The following NET1 variants were observed in gnomAD, a reference collection of about 807,000 sequenced individuals.
The protein encoded by NET1 is neuroepithelial cell transforming 1.
A neutral mutation model predicts 61.1 loss-of-function variants in NET1; 42 were observed. The ratio of observed to expected loss-of-function variants is 0.69; its 90% CI spans 0.54 to 0.89. The LOEUF (loss-of-function observed/expected upper bound fraction) is 0.89, where lower values mean the gene tolerates loss of function less well. Ranked by LOEUF, NET1 falls within the 40% of genes least tolerant of loss-of-function variation. NET1 has a pLI of 0.00. For synonymous variants in NET1, 254 were observed against 281.8 expected, an observed-to-expected ratio of 0.90 and a Z score of 0.99; for missense variants, 654 against 747.3, an observed-to-expected ratio of 0.88 and a Z score of 1.46.
At position 5,446,596 on chromosome 10, in the gene NET1, G is replaced by C. The variant is rs575015690; in HGVS notation, c.256-5234G>C. The C allele has an allele frequency of 9.9e-6, 12 of 1,210,974 alleles. No homozygotes were observed. The South Asian group carries it at 4.2e-4, about 43-fold the overall frequency. 75.0% of individuals were successfully genotyped at this position (1,210,974 alleles called of 1,614,324 possible). On this transcript the variant is annotated intron_variant, in intron 3 of 11. Transcript: ENST00000355029. The surrounding 1 kb of genome is among the most constrained non-coding windows in gnomAD (Gnocchi z 5.0). ...CCGAGCCCTGGGGTCGGTGCTTGCT[G>C]CCTGCGGCTCTCAGAAGCCTCTGCT...
At chr10:5,448,710 A>G (rs1201310009) in intron 3 of NET1, among the ~76,000 whole-genome samples, 1 of 115,434 alleles carries the variant, frequency 8.7e-6, no homozygotes, top group Non-Finnish European at 1.7e-5. Flanking sequence ...AGGTTCCAGT[A>G]TTCGTATCTG....
At position 5,447,091 on chromosome 10, in the gene NET1, G is replaced by C. The variant is rs1564466148; in HGVS notation, c.256-4739G>C. ...ACACAGCTTTTATAAAAAAGGAAAAGATTTTAAATGTATATGTTACTCGGG... is the reference window on the plus strand; with the variant it reads ...ACACAGCTTTTATAAAAAAGGAAAACATTTTAAATGTATATGTTACTCGGG... On this transcript the variant is annotated intron_variant, in intron 3 of 11. Coordinates refer to ENST00000355029, the MANE Select transcript of NET1 (RefSeq NM_001047160.3). This position sits in a 1 kb window ranked among gnomAD's most constrained non-coding sequence, Gnocchi z 4.1. Among the ~76,000 whole-genome samples, 1 of 152,132 alleles carries C rather than the reference G, an allele frequency of 6.6e-6. No homozygotes were observed. Among genetic ancestry groups the C allele is most frequent in the African/African-American group, 2.4e-5 (1 of 41,414 alleles).
In NET1 at chr10:5,455,420, A is replaced by C. The variant is rs560211438; in HGVS notation, c.1197+302A>C. Among the ~76,000 whole-genome samples, 38 of 152,366 alleles carry C rather than the reference A, an allele frequency of 2.5e-4. No individual in the cohort carries two copies. The highest frequency in any genetic ancestry group is 8.9e-4 in the African/African-American group (37 of 41,588). On this transcript the variant is annotated intron_variant, in intron 10 of 11. Transcript: ENST00000355029. The surrounding 1 kb of genome is among the most constrained non-coding windows in gnomAD (Gnocchi z 6.5). The stretch of plus-strand genomic sequence containing the variant: ...GCTTAATAAAAAAGCATCCTTCAAA[A>C]AAAACTTCTAAGAGTTTATCTTATG...
In NET1 at chr10:5,422,226, A is replaced by G. The variant is rs1369783905; in HGVS notation, c.129-4429A>G. Among the ~76,000 whole-genome samples the G allele has an allele frequency of 1.3e-5, 2 of 151,986 alleles. No individual in the cohort carries two copies. Among genetic ancestry groups the G allele is most frequent in the South Asian group, 2.1e-4 (1 of 4,806 alleles). ...GTGGCGTGCCCCTGTAATCCTAGCT[A>G]CTCGGGAGATTGAGGCAGGAGAATC... is the stretch of plus-strand genomic sequence containing the variant. On this transcript the variant is annotated intron_variant, in intron 1 of 11. Coordinates refer to ENST00000355029, the MANE Select transcript of NET1 (RefSeq NM_001047160.3). The surrounding 1 kb of genome is among the most constrained non-coding windows in gnomAD (Gnocchi z 4.1).
At position 5,444,245 on chromosome 10, in the gene NET1, A is replaced by G. The variant is rs1467648480; in HGVS notation, c.256-7585A>G. 1.3e-5 allele frequency among the ~76,000 whole-genome samples: 2 copies of G among 152,218 alleles called. No homozygotes were observed. The highest frequency in any genetic ancestry group is 4.8e-5 in the African/African-American group (2 of 41,452). ...AGATGATGAAACAGAGCCAATCTCC[A>G]TTACTTTAAAAAATAAACTCAAAGC... On this transcript the variant is annotated intron_variant, in intron 3 of 11. Transcript: ENST00000355029. The surrounding 1 kb of genome is among the most constrained non-coding windows in gnomAD (Gnocchi z 5.3).
rs1168762426 is a variant in NET1 at position 5,415,219 on chromosome 10, G to A, written c.128+2399G>A. 1.3e-5 allele frequency among the ~76,000 whole-genome samples: 2 copies of A among 152,114 alleles called. No individual in the cohort carries two copies. The highest frequency in any genetic ancestry group is 6.5e-5 in the Admixed American group (1 of 15,282). Reference sequence around the variant, plus strand: ...AAACTCAGTATAAACTAATTTGAAAGACAAATACGTACAGTACAATTTACC... The same window carrying A: ...AAACTCAGTATAAACTAATTTGAAAAACAAATACGTACAGTACAATTTACC... On this transcript the variant is annotated intron_variant, in intron 1 of 11. Transcript: ENST00000355029. This position sits in a 1 kb window ranked among gnomAD's most constrained non-coding sequence, Gnocchi z 4.7.
chr10:5,428,445 AT>A (rs11448127), intron 2 of NET1, among the ~76,000 whole-genome samples: 1 of 146,414 alleles, frequency 6.8e-6, no homozygotes, highest in African/African-American at 2.5e-5. Context: ...TGAGAAAAGG[AT>A]TTTTTTTTTC....
rs1832702667 is a variant in NET1, at chr10:5,451,510, TTA to T, written c.256-319_256-318del. Among the ~76,000 whole-genome samples the T allele has an allele frequency of 7.4e-6, 1 of 135,004 alleles. No individual in the cohort carries two copies. Among genetic ancestry groups the T allele is most frequent in the South Asian group, 2.3e-4 (1 of 4,304 alleles). 88.6% of individuals were successfully genotyped at this position (135,004 alleles called of 152,430 possible). ...ATTTTCATAACAATAAGGCTTTTTT[TTA>T]AAAAAAAAAAAAGTTATTCCCTGCA... On this transcript the variant is annotated intron_variant, in intron 3 of 11. Coordinates refer to ENST00000355029, the MANE Select transcript of NET1 (RefSeq NM_001047160.3). This position sits in a 1 kb window ranked among gnomAD's most constrained non-coding sequence, Gnocchi z 6.1.
chr10:5,454,243 C>G lies in NET1; in HGVS notation c.769-22C>G, dbSNP rs765324584. On this transcript the variant is annotated intron_variant, in intron 8 of 11. Transcript: ENST00000355029. The surrounding 1 kb of genome is among the most constrained non-coding windows in gnomAD (Gnocchi z 8.1). ...CGGTCATAACAGGAACACATCATAC[C>G]TTTTCTTTTATTACTCTTCAGTTAC... The G allele has an allele frequency of 6.2e-7, 1 of 1,602,568 alleles. No homozygotes were observed. The highest frequency in any genetic ancestry group is 8.5e-7 in the Non-Finnish European group (1 of 1,175,942).
intron 3 of NET1, among the ~76,000 whole-genome samples, chr10:5,448,447 C>T (rs1413456137): frequency 6.6e-6 from 1 of 152,192 alleles, no homozygotes; most frequent in African/African-American, 2.4e-5. Context: ...AATTAATACC[C>T]TGATCTGTGG....
Position 5,452,667 on chromosome 10 carries a change from A to G in NET1, c.531+142A>G, listed in dbSNP as rs899981847. Reference sequence around the variant, plus strand: ...CCTAATGATGGATGGTGGTCAAATTAAACAACTCTAATAGGGTAAACTTAC... The same window carrying G: ...CCTAATGATGGATGGTGGTCAAATTGAACAACTCTAATAGGGTAAACTTAC... On this transcript the variant is annotated intron_variant, in intron 5 of 11. Coordinates refer to ENST00000355029, the MANE Select transcript of NET1 (RefSeq NM_001047160.3). The surrounding 1 kb of genome is among the most constrained non-coding windows in gnomAD (Gnocchi z 4.0). The G allele has an allele frequency of 3.0e-5, 28 of 944,114 alleles. 1 individual carries two copies. Among genetic ancestry groups the G allele is most frequent in the Middle Eastern group, 2.7e-4 (1 of 3,766 alleles). The allele number at this position is 944,114 out of a possible 1,614,324, so 58.5% of individuals were successfully genotyped here. A position where few individuals can be genotyped will look rare whatever the true frequency, so the allele number is the denominator to read the frequency against.
intron 3 of NET1, 92 bp downstream of exon 3, chr10:5,429,321 G>T: frequency 3.8e-6 from 4 of 1,054,704 alleles, no homozygotes; most frequent in Non-Finnish European, 5.5e-6. Flanking sequence ...TGCTGGTTTG[G>T]GTTTTTTTGT....
At position 5,451,700 on chromosome 10, in the gene NET1, T is replaced by C. The variant is rs536449597; in HGVS notation, c.256-130T>C. On this transcript the variant is annotated intron_variant, in intron 3 of 11. Transcript: ENST00000355029. This position sits in a 1 kb window ranked among gnomAD's most constrained non-coding sequence, Gnocchi z 6.1. ...TATTGTTTTGACAATGAAGAACAAC[T>C]CTTACTTTCATGTTTCTGTATTTTA... 5.5e-5 allele frequency: 33 copies of C among 601,182 alleles called. No homozygotes were observed. In the African/African-American group the frequency reaches 5.8e-4, roughly 11 times the overall value. The allele number at this position is 601,182 out of a possible 1,614,324, so 37.2% of individuals were successfully genotyped here. A position where few individuals can be genotyped will look rare whatever the true frequency, so the allele number is the denominator to read the frequency against.
rs1434978876 is a variant in NET1 at position 5,447,430 on chromosome 10, A to C, written c.256-4400A>C. Among the ~76,000 whole-genome samples, 1 of 152,252 alleles carries C rather than the reference A, an allele frequency of 6.6e-6. No individual in the cohort carries two copies. Among genetic ancestry groups the C allele is most frequent in the African/African-American group, 2.4e-5 (1 of 41,468 alleles). On this transcript the variant is annotated intron_variant, in intron 3 of 11. Transcript: ENST00000355029. The surrounding 1 kb of genome is among the most constrained non-coding windows in gnomAD (Gnocchi z 4.1). ...TTTTTAGTCTTTATGAACATTTATC[A>C]ATATAAATCAAATTACTTTATGCCA... is the stretch of plus-strand genomic sequence containing the variant.
rs1389473541 is a variant in NET1 at position 5,437,217 on chromosome 10, ATTG to A, written c.255+7991_255+7993del. The stretch of plus-strand genomic sequence containing the variant: ...CAGTTATTATTTGATGTTTGTCCAG[ATTG>A]TTTTCTTTTTATTTATCTATTTTCA... On this transcript the variant is annotated intron_variant, in intron 3 of 11. Transcript: ENST00000355029. The surrounding 1 kb of genome is among the most constrained non-coding windows in gnomAD (Gnocchi z 4.3). Among the ~76,000 whole-genome samples, 6 of 151,986 alleles carry A rather than the reference ATTG, an allele frequency of 3.9e-5. No homozygotes were observed. The highest frequency in any genetic ancestry group is 2.9e-5 in the Non-Finnish European group (2 of 67,982).
At chr10:5,436,796 T>C (rs1832445124) in intron 3 of NET1, among the ~76,000 whole-genome samples, 1 of 152,174 alleles carries the variant, frequency 6.6e-6, no homozygotes, top group South Asian at 2.1e-4. Context: ...CTAGCTGGCA[T>C]GTGAAACCTA....
At chr10:5,414,756 T>C (rs1192374858) in intron 1 of NET1, among the ~76,000 whole-genome samples, 4 of 152,130 alleles carry the variant, frequency 2.6e-5, no homozygotes, top group African/African-American at 4.8e-5. Context: ...AGAAAAATGG[T>C]TGAACAAGGA....
At position 5,454,329 on chromosome 10, in the gene NET1, A is replaced by T. The variant is rs1382851060; in HGVS notation, c.833A>T (p.Asp278Val). Residue 278 changes from aspartate to valine, a missense_variant, in exon 9 of 12, where the codon GAT (aspartate) becomes GTT (valine). Asp to Val is a radical substitution (Grantham distance 152). Coordinates refer to ENST00000355029, the MANE Select transcript of NET1 (RefSeq NM_001047160.3). This position sits in a 1 kb window ranked among gnomAD's most constrained non-coding sequence, Gnocchi z 8.1. ...SNQLAAKALL[D>V]QKKQDPRVQD... ...CAGCTGGCAGCCAAAGCTCTTCTTG[A>T]TCAAAAGAAACAGGATCCAAGAGTC... 1 of 1,614,176 alleles carries T rather than the reference A, an allele frequency of 6.2e-7. No individual in the cohort carries two copies. The highest frequency in any genetic ancestry group is 1.1e-5 in the South Asian group (1 of 91,078).
intron 1 of NET1, among the ~76,000 whole-genome samples, chr10:5,419,472 C>G (rs1450995436): frequency 2.0e-5 from 3 of 152,142 alleles, no homozygotes; most frequent in African/African-American, 7.2e-5. Context: ...TTTTGTTTCT[C>G]TATTCCTCCT....
Sources: allele counts gnomAD v4.1 joint callset (sites outside exome capture counted in the v4.1 genomes callset), GRCh38; gene constraint gnomAD v4.1.1; non-coding constraint Gnocchi (gnomAD v3.1); transcripts MANE v1.5; gene names NCBI Gene and HGNC (gene_info 2026-07-23, HGNC 2026-07-21).